The following PDLIM7 variants were observed in gnomAD, a reference collection of about 807,000 sequenced individuals.
The protein encoded by PDLIM7 is PDZ and LIM domain protein 7.
A neutral mutation model predicts 53.9 loss-of-function variants in PDLIM7; 37 were observed. The ratio of observed to expected loss-of-function variants is 0.69; its 90% CI spans 0.53 to 0.90. PDLIM7 has a LOEUF of 0.90. PDLIM7 is among the 40% of genes least tolerant of loss of function. The probability of loss-of-function intolerance (pLI) is 0.00; values close to 1 mark genes in which losing one functional copy is unlikely to be tolerated. For missense variants in PDLIM7, 617 were observed against 638.5 expected (o/e 0.97, Z 0.36); for synonymous variants, 300 against 261.3 (o/e 1.15, Z -1.43).
intron 10 of PDLIM7, among the ~76,000 whole-genome samples, chr5:177,485,302 CAAGG>C (rs750157242): frequency 6.6e-6 from 1 of 152,224 alleles, no homozygotes; most frequent in Non-Finnish European, 1.5e-5. Context: ...GGCAGAGGCA[CAAGG>C]GGCTGAGCTC....
intron 7 of PDLIM7, 27 bp downstream of exon 7, chr5:177,490,843 G>A: frequency 6.2e-7 from 1 of 1,613,206 alleles, no homozygotes; most frequent in South Asian, 1.1e-5. Context: ...CAGGAGGTGG[G>A]AGAGGGGCTG....
intron 2 of PDLIM7, among the ~76,000 whole-genome samples, chr5:177,493,747 C>A (rs2127414711): frequency 6.6e-6 from 1 of 152,236 alleles, no homozygotes; most frequent in East Asian, 1.9e-4. Context: ...GACCACCCAG[C>A]CATCTGGCAA....
intron 9 of PDLIM7, among the ~76,000 whole-genome samples, chr5:177,488,838 C>T (rs367590804): frequency 6.6e-6 from 1 of 151,348 alleles, no homozygotes; most frequent in Non-Finnish European, 1.5e-5. Flanking sequence ...TGCAGTGAGC[C>T]GAGATCGCGC....
At position 177,489,594 on chromosome 5, in the gene PDLIM7, G is replaced by C; in HGVS notation, c.668C>G (p.Pro223Arg). The C allele has an allele frequency of 6.2e-7, 1 of 1,606,880 alleles. No individual in the cohort carries two copies. Among genetic ancestry groups the C allele is most frequent in the Non-Finnish European group, 8.5e-7 (1 of 1,177,490 alleles). Residue 223 changes from proline (P) to arginine (R), a missense_variant, in exon 9 of 13, where the codon CCC becomes CGC. Physicochemically the swap from Pro to Arg is moderately radical, Grantham distance 103. Coordinates refer to ENST00000355841, the MANE Select transcript of PDLIM7 (RefSeq NM_005451.5). ...GGCAAACGCAGGGTCCACAGCCCAGGGCGGGCGGCTGGTAGGGCTGGGGGC... is the reference window on the plus strand; with the variant it reads ...GGCAAACGCAGGGTCCACAGCCCAGCGCGGGCGGCTGGTAGGGCTGGGGGC... ...PTAPSPTSRP[P>R]WAVDPAFAER...
At chr5:177,491,265 A>G (rs991174270) in intron 5 of PDLIM7, 119 bp from the exon 6 acceptor site, 2 of 1,433,256 alleles carry the variant, frequency 1.4e-6, no homozygotes, top group Admixed American at 4.0e-5. Flanking sequence ...GGTAAGGGTG[A>G]GGCCAGGAGC....
In PDLIM7 at chr5:177,483,634, C is replaced by T. The variant is rs376126110; in HGVS notation, c.*10G>A. The T allele has an allele frequency of 3.1e-6, 5 of 1,596,086 alleles. No individual in the cohort carries two copies. The highest frequency in any genetic ancestry group is 3.4e-5 in the Admixed American group (2 of 59,692). ...TAGGGGCCACCGCGGCAGCTGTGGG[C>T]AGAAGGGGCTCACACATGAGAGAAG... On this transcript the variant is annotated 3_prime_UTR_variant, in exon 13 of 13. Transcript: ENST00000355841.
At chr5:177,492,738 C>T (rs998101534) in intron 2 of PDLIM7, 61 bp from the exon 3 acceptor site, 61 of 1,558,262 alleles carry the variant, frequency 3.9e-5, no homozygotes, top group African/African-American at 1.3e-4. Flanking sequence ...GCCAGGCTGA[C>T]GGTGGTAACA....
At chr5:177,484,275 A>G (rs1758327014) in intron 10 of PDLIM7, 85 bp from the exon 11 acceptor site, 1 of 1,539,920 alleles carries the variant, frequency 6.5e-7, no homozygotes, top group African/African-American at 1.4e-5. Context: ...GCTGGCCGCA[A>G]GCCCTGTTCC....
chr5:177,492,182 G>GCAGGCGGACAGA (rs539593377), intron 4 of PDLIM7: 46 of 636,874 alleles, frequency 7.2e-5, no homozygotes, highest in Middle Eastern at 4.3e-4. Flanking sequence ...GCGGGAGGCA[G>GCAGGCGGACAGA]CAGGCGGACA....
At chr5:177,490,620 G>A (rs1758704227) in intron 7 of PDLIM7, 1 of 1,471,296 alleles carries the variant, frequency 6.8e-7, no homozygotes, top group Non-Finnish European at 9.3e-7. Flanking sequence ...GAGGGAGGAA[G>A]AAGTGGAAGG....
chr5:177,496,468 G>GC lies in PDLIM7; in HGVS notation c.44dup (p.Phe16LeufsTer33). The GC allele has an allele frequency of 6.2e-7, 1 of 1,605,392 alleles. No homozygotes were observed. Among genetic ancestry groups the GC allele is most frequent in the Non-Finnish European group, 8.5e-7 (1 of 1,175,728 alleles). On this transcript the variant is annotated frameshift_variant, in exon 2 of 13. Transcript: ENST00000355841. LOFTEE classifies it high-confidence loss of function. ...AGTCCTTGCCCCCTTGCAGCCGGAA[G>GC]CCCCAAGGTGCTGGCCCCTCCAGCA...
chr5:177,490,062 AG>A, intron 7 of PDLIM7: 1 of 1,531,470 alleles, frequency 6.5e-7, no homozygotes, highest in Non-Finnish European at 8.7e-7. Context: ...CCCGCTTCTG[AG>A]GCAGCTCCTG....
intron 10 of PDLIM7, chr5:177,487,787 G>A (rs1288336406): frequency 6.2e-6 from 2 of 323,700 alleles, no homozygotes; most frequent in Non-Finnish European, 1.1e-5. Flanking sequence ...CATTTCACCA[G>A]GGCAGGGAGA....
chr5:177,496,803 C>T, intron 1 of PDLIM7: 1 of 240,820 alleles, frequency 4.2e-6, no homozygotes, highest in African/African-American at 2.3e-5. Context: ...CAGGGGTGGG[C>T]CGAGGGACTA....
chr5:177,483,454 C>G lies in PDLIM7; in HGVS notation c.*190G>C. The G allele has an allele frequency of 5.2e-6, 3 of 574,592 alleles. No individual in the cohort carries two copies. Among genetic ancestry groups the G allele is most frequent in the Non-Finnish European group, 9.3e-6 (3 of 322,092 alleles). The allele number at this position is 574,592 out of a possible 1,614,324, so 35.6% of individuals were successfully genotyped here. A position where few individuals can be genotyped will look rare whatever the true frequency, so the allele number is the denominator to read the frequency against. ...TGAAAGGGGGCTGGTGTGGCCAGCA[C>G]CGGTGTGCTGTGGTGGTGGAGGGAG... On this transcript the variant is annotated 3_prime_UTR_variant, in exon 13 of 13. Coordinates refer to ENST00000355841, the MANE Select transcript of PDLIM7 (RefSeq NM_005451.5).
chr5:177,491,551 G>A (rs1758784084), intron 5 of PDLIM7: 8 of 793,710 alleles, frequency 1.0e-5, no homozygotes, highest in Non-Finnish European at 1.7e-5. Context: ...CAGCTGGCCC[G>A]ACACCACAAC....
intron 5 of PDLIM7, 135 bp downstream of exon 5, chr5:177,491,672 C>T: frequency 1.6e-6 from 1 of 629,202 alleles, no homozygotes; most frequent in Non-Finnish European, 2.6e-6. Flanking sequence ...TGCAGCCCCA[C>T]CCCGGCCGCC....
intron 12 of PDLIM7, 63 bp from the exon 13 acceptor site, chr5:177,483,793 T>C (rs544945105): frequency 1.3e-6 from 2 of 1,580,618 alleles, no homozygotes; most frequent in African/African-American, 2.7e-5. Context: ...CCTTCCCAAC[T>C]TCTCCTGCAT....
In PDLIM7 at chr5:177,491,139, G is replaced by GCAGCCGCTC. The variant is rs1437253421; in HGVS notation, c.405_406insGAGCGGCTG (p.Pro135_Leu136insGluArgLeu). 6.2e-7 allele frequency: 1 copy of GCAGCCGCTC among 1,607,972 alleles called. No individual in the cohort carries two copies. The highest frequency in any genetic ancestry group is 8.5e-7 in the Non-Finnish European group (1 of 1,177,102). On this transcript the variant is annotated inframe_insertion, in exon 6 of 13. Transcript: ENST00000355841. ...CTGGCATCTGGGACCAGCGGTCGGA[G>GCAGCCGCTC]CGGCTGTCTGTGGGGAGGGTGTGGC...
Sources: allele counts gnomAD v4.1 joint callset (sites outside exome capture counted in the v4.1 genomes callset), GRCh38; gene constraint gnomAD v4.1.1; transcripts MANE v1.5; gene names NCBI Gene and HGNC (gene_info 2026-07-23, HGNC 2026-07-21).